RUBCN: variants seen among roughly 807,000 people sequenced by gnomAD.
RUBCN encodes run domain Beclin-1-interacting and cysteine-rich domain-containing protein.
Under a neutral mutation model 113.2 loss-of-function variants are expected in RUBCN, and 74 were observed. The ratio of observed to expected loss-of-function variants is 0.65; its 90% CI spans 0.54 to 0.79. RUBCN has a LOEUF of 0.79. RUBCN is among the 30% of genes least tolerant of loss of function. RUBCN has a pLI of 0.00. For missense variants in RUBCN, 1,109 were observed against 1,251.7 expected, an observed-to-expected ratio of 0.89 and a Z score of 1.72; for synonymous variants, 480 against 490.0, an observed-to-expected ratio of 0.98 and a Z score of 0.27.
Position 197,693,183 on chromosome 3 carries a change from T to TACC in RUBCN, c.1786+529_1786+531dup, listed in dbSNP as rs777999574. On this transcript the variant is annotated intron_variant, in intron 11 of 19. Transcript: ENST00000296343. ...CACTGTTCCTCTATGCTGATACTCC[T>TACC]ACCACCACCACCACCACCAATAAAA... 1.2e-3 allele frequency among the ~76,000 whole-genome samples: 179 copies of TACC among 152,190 alleles called. 1 individual carries two copies. The highest frequency in any genetic ancestry group is 4.1e-3 in the African/African-American group (171 of 41,534).
chr3:197,706,389 A>G (rs539861503), intron 2 of RUBCN, among the ~76,000 whole-genome samples: 3 of 152,364 alleles, frequency 2.0e-5, no homozygotes, highest in East Asian at 3.9e-4. Context: ...ACAAGTATCA[A>G]GAGACAGACC....
chr3:197,733,712 A>G (rs1727779705), intron 1 of RUBCN, among the ~76,000 whole-genome samples: 1 of 152,220 alleles, frequency 6.6e-6, no homozygotes. Context: ...TCAGCCGCCA[A>G]CACAGTATGC....
chr3:197,725,266 C>G (rs957881288), intron 1 of RUBCN, among the ~76,000 whole-genome samples: 7 of 151,392 alleles, frequency 4.6e-5, no homozygotes, highest in Non-Finnish European at 8.8e-5. Context: ...ACTGAGGTAG[C>G]GAGAGACTAT....
chr3:197,685,577 A>G (rs1721748905), intron 11 of RUBCN, among the ~76,000 whole-genome samples: 1 of 152,190 alleles, frequency 6.6e-6, no homozygotes, highest in Non-Finnish European at 1.5e-5. Flanking sequence ...CTCAAATAAC[A>G]TTGTTGACAA....
rs538867614 is a variant in RUBCN at position 197,694,603 on chromosome 3, C to T, written c.1474-18G>A. ...GCATTCTCCTGGCGGAAGGAGAGCA[C>T]CAAACAGGCAAAGGGTTAGAAGTAT... On this transcript the variant is annotated intron_variant, in intron 9 of 19. Coordinates refer to ENST00000296343, the MANE Select transcript of RUBCN (RefSeq NM_014687.4). 30 of 1,601,128 alleles carry T rather than the reference C, an allele frequency of 1.9e-5. No homozygotes were observed. The South Asian group carries it at 2.5e-4, about 14-fold the overall frequency.
intron 1 of RUBCN, among the ~76,000 whole-genome samples, chr3:197,733,038 G>A (rs1201353606): frequency 3.9e-5 from 6 of 152,200 alleles, no homozygotes; most frequent in Non-Finnish European, 8.8e-5. Flanking sequence ...GGCAGGTTAC[G>A]TAAAGTAACT....
Position 197,749,615 on chromosome 3 carries a change from CG to C in RUBCN, c.-463del, listed in dbSNP as rs141802477. 4.0e-4 allele frequency: 429 copies of C among 1,079,464 alleles called. No individual in the cohort carries two copies. In the African/African-American group the frequency reaches 6.4e-3, roughly 16 times the overall value. The allele number at this position is 1,079,464 out of a possible 1,614,324, so 66.9% of individuals were successfully genotyped here. ...TGCAGCAGGAGGGACTCGAAGGACA[CG>C]GAGGATTATATCACTGAAGGCATAA... On this transcript the variant is annotated 5_prime_UTR_variant, in exon 1 of 21. Coordinates refer to the RUBCN transcript ENST00000273582.
At chr3:197,688,442 T>C (rs1399868842) in intron 11 of RUBCN, among the ~76,000 whole-genome samples, 1 of 152,228 alleles carries the variant, frequency 6.6e-6, no homozygotes, top group East Asian at 1.9e-4. Flanking sequence ...TTACTCCTCA[T>C]GAGCCAGTTT....
intron 1 of RUBCN, among the ~76,000 whole-genome samples, chr3:197,727,805 G>C (rs1012414186): frequency 6.6e-5 from 10 of 152,236 alleles, no homozygotes; most frequent in Admixed American, 2.6e-4. Context: ...ATATAAGAAA[G>C]ACAATCTTAT....
chr3:197,669,266 A>G lies in RUBCN; in HGVS notation c.*5752T>C, dbSNP rs977572781. Among the ~76,000 whole-genome samples, 3 of 152,200 alleles carry G rather than the reference A, an allele frequency of 2.0e-5. No homozygotes were observed. Among genetic ancestry groups the G allele is most frequent in the African/African-American group, 7.2e-5 (3 of 41,450 alleles). ...CTCCAAATTGTATTCAGATTTTGCC[A>G]GTTTTTTCACTAATATCCTTTCTCC... On this transcript the variant is annotated 3_prime_UTR_variant, in exon 20 of 20. Transcript: ENST00000296343.
At position 197,675,795 on chromosome 3, in the gene RUBCN, G is replaced by A. The variant is rs1027081365; in HGVS notation, c.2647-280C>T. Among the ~76,000 whole-genome samples the A allele has an allele frequency of 2.0e-5, 3 of 152,182 alleles. No homozygotes were observed. The highest frequency in any genetic ancestry group is 7.2e-5 in the African/African-American group (3 of 41,442). ...AGAAGGAGGAAATGGCACCACAAAG[G>A]GCTTCCTAAGCCGACAGTCCCATCT... On this transcript the variant is annotated intron_variant, in intron 18 of 19. Transcript: ENST00000296343. This position sits in a 1 kb window ranked among gnomAD's most constrained non-coding sequence, Gnocchi z 4.4.
chr3:197,749,433 C>G, exon 1 of RUBCN: 1 of 1,231,290 alleles, frequency 8.1e-7, no homozygotes, highest in Non-Finnish European at 1.0e-6. Flanking sequence ...CGTTCAGATG[C>G]GGCAGCTCAG....
intron 7 of RUBCN, among the ~76,000 whole-genome samples, chr3:197,697,998 T>C (rs778874218): frequency 1.3e-5 from 2 of 152,202 alleles, no homozygotes; most frequent in African/African-American, 2.4e-5. Flanking sequence ...GAGGACAAAC[T>C]AGTAGTCGCC....
intron 2 of RUBCN, among the ~76,000 whole-genome samples, chr3:197,705,716 A>G (rs905897529): frequency 1.3e-5 from 2 of 152,106 alleles, no homozygotes; most frequent in African/African-American, 2.4e-5. Context: ...CAAGGTATAC[A>G]GTAAAAATAA....
rs967574145 is a variant in RUBCN, at chr3:197,675,317, G to A, written c.2740+105C>T. 29 of 1,501,168 alleles carry A rather than the reference G, an allele frequency of 1.9e-5. No individual in the cohort carries two copies. In the African/African-American group the frequency reaches 2.9e-4, roughly 15 times the overall value. 93.0% of individuals were successfully genotyped at this position (1,501,168 alleles called of 1,614,324 possible). A position where few individuals can be genotyped will look rare whatever the true frequency, so the allele number is the denominator to read the frequency against. ...GCGTGGTGTCCCCTGGGGAGGCCCC[G>A]CGAGGTGCTGAGTGGCACCGAACTC... On this transcript the variant is annotated intron_variant, in intron 19 of 19. Coordinates refer to ENST00000296343, the MANE Select transcript of RUBCN (RefSeq NM_014687.4). This position sits in a 1 kb window ranked among gnomAD's most constrained non-coding sequence, Gnocchi z 4.4.
intron 2 of RUBCN, among the ~76,000 whole-genome samples, chr3:197,716,278 C>A (rs1040100037): frequency 2.0e-5 from 3 of 152,202 alleles, no homozygotes; most frequent in Non-Finnish European, 4.4e-5. Context: ...CAGGTGCGCG[C>A]CACCACGCCC....
Position 197,745,284 on chromosome 3 carries a change from C to A in RUBCN, c.-116+3985G>T, listed in dbSNP as rs371757900. Among the ~76,000 whole-genome samples, 56 of 137,570 alleles carry A rather than the reference C, an allele frequency of 4.1e-4. 1 individual carries two copies. The highest frequency in any genetic ancestry group is 4.0e-3 in the Middle Eastern group (1 of 248). 90.3% of individuals were successfully genotyped at this position (137,570 alleles called of 152,430 possible). A position where few individuals can be genotyped will look rare whatever the true frequency, so the allele number is the denominator to read the frequency against. ...TGGGCAACAGAGAGAGATGCTGTCT[C>A]AAAAAAAAAAAAAGAAAGAAAAGAA... is the stretch of plus-strand genomic sequence containing the variant. On this transcript the variant is annotated intron_variant, in intron 1 of 20. Transcript: ENST00000273582.
intron 8 of RUBCN, among the ~76,000 whole-genome samples, chr3:197,696,689 A>C (rs1293657987): frequency 1.3e-5 from 2 of 152,180 alleles, no homozygotes; most frequent in African/African-American, 4.8e-5. Flanking sequence ...TCAGAGAGCC[A>C]TCCCATCTGG....
intron 16 of RUBCN, 30 bp from the exon 17 acceptor site, chr3:197,677,571 G>A (rs182846418): frequency 6.2e-7 from 1 of 1,604,896 alleles, no homozygotes; most frequent in East Asian, 2.2e-5. Flanking sequence ...GGCAGGAGTG[G>A]GAGGGAGATG....
Sources: gnomAD v4.1 joint callset for allele counts (sites outside exome capture counted in the v4.1 genomes callset) on GRCh38, gnomAD v4.1.1 for gene constraint, Gnocchi (gnomAD v3.1) non-coding constraint, MANE v1.5 for transcripts, NCBI Gene and HGNC (gene_info 2026-07-23, HGNC 2026-07-21) for gene names.